CDK6: variants seen among roughly 807,000 people sequenced by gnomAD.
The protein encoded by CDK6 is cyclin dependent kinase 6, also known as cyclin-dependent kinase 6.
A neutral mutation model predicts 37.1 loss-of-function variants in CDK6; 6 were observed. That is an observed-to-expected ratio of 0.16 (90% CI 0.09 to 0.32). The LOEUF is 0.32. Ranked by LOEUF, CDK6 falls within the 10% of genes least tolerant of loss-of-function variation. CDK6 has a pLI of 1.00. For missense variants in CDK6, 224 were observed against 418.9 expected (o/e 0.53, Z 4.06); for synonymous variants, 160 against 161.3 (o/e 0.99, Z 0.06).
intron 3 of CDK6, among the ~76,000 whole-genome samples, chr7:92,751,119 T>C (rs1349624927): frequency 6.6e-6 from 1 of 152,156 alleles, no homozygotes; most frequent in East Asian, 1.9e-4. Flanking sequence ...GCTTTCTGAA[T>C]TGCCAAGAGG....
In CDK6 at chr7:92,613,441, C is replaced by T. The variant is rs148960964; in HGVS notation, c.*1699G>A. 372 of 233,732 alleles carry T rather than the reference C, an allele frequency of 1.6e-3. 2 individuals carry two copies. Among genetic ancestry groups the T allele is most frequent in the African/African-American group, 7.3e-3 (333 of 45,484 alleles). The allele number at this position is 233,732 out of a possible 1,614,324, so 14.5% of individuals were successfully genotyped here. On this transcript the variant is annotated 3_prime_UTR_variant, in exon 8 of 8. Transcript: ENST00000424848. Reference sequence around the variant, plus strand: ...GGCTAAACTTTCCAAAAGATACTTTCTGTGTCCTCTGGTTACTAGAGCCAA... The same window carrying T: ...GGCTAAACTTTCCAAAAGATACTTTTTGTGTCCTCTGGTTACTAGAGCCAA...
chr7:92,726,695 G>A (rs1183889784), intron 3 of CDK6, among the ~76,000 whole-genome samples: 1 of 152,228 alleles, frequency 6.6e-6, no homozygotes, highest in African/African-American at 2.4e-5. Flanking sequence ...ACAGGTGTGA[G>A]CCACCATGCC....
intron 2 of CDK6, among the ~76,000 whole-genome samples, chr7:92,806,707 C>T (rs1230513332): frequency 6.6e-6 from 1 of 152,090 alleles, no homozygotes; most frequent in Non-Finnish European, 1.5e-5. Flanking sequence ...TTGCAACATG[C>T]GGAACAGACC....
chr7:92,736,527 T>G (rs889099459), intron 3 of CDK6, among the ~76,000 whole-genome samples: 4 of 152,256 alleles, frequency 2.6e-5, no homozygotes, highest in Non-Finnish European at 4.4e-5. Context: ...GGAGGAAGGC[T>G]GGTATTAGTT....
At chr7:92,747,555 C>A (rs1401222738) in intron 3 of CDK6, among the ~76,000 whole-genome samples, 1 of 152,214 alleles carries the variant, frequency 6.6e-6, no homozygotes, top group East Asian at 1.9e-4. Context: ...AAATCTTGAG[C>A]AAGACTTCAA....
intron 4 of CDK6, among the ~76,000 whole-genome samples, chr7:92,686,320 T>C (rs1467517072): frequency 6.6e-6 from 1 of 152,086 alleles, no homozygotes; most frequent in African/African-American, 2.4e-5. Context: ...GTCCACTGTA[T>C]CATTCTTATG....
At chr7:92,832,284 T>A (rs1212305921) in intron 2 of CDK6, among the ~76,000 whole-genome samples, 1 of 152,010 alleles carries the variant, frequency 6.6e-6, no homozygotes, top group Non-Finnish European at 1.5e-5. Context: ...CAGGAGAGAG[T>A]AAGAACTGCT....
At chr7:92,825,776 C>T (rs1462014398) in intron 2 of CDK6, among the ~76,000 whole-genome samples, 3 of 152,046 alleles carry the variant, frequency 2.0e-5, no homozygotes, top group African/African-American at 7.2e-5. Context: ...ATTTATAATA[C>T]CTTACTTTCT....
At chr7:92,823,379 T>C (rs1279666211) in intron 2 of CDK6, among the ~76,000 whole-genome samples, 1 of 146,540 alleles carries the variant, frequency 6.8e-6, no homozygotes, top group East Asian at 2.0e-4. Context: ...TTAAGTTTCA[T>C]GGGCTTAAAA....
chr7:92,803,045 A>G (rs1800623828), intron 2 of CDK6, among the ~76,000 whole-genome samples: 1 of 152,236 alleles, frequency 6.6e-6, no homozygotes, highest in South Asian at 2.1e-4. Flanking sequence ...TACACCCAAT[A>G]TTAAGATGAC....
chr7:92,766,182 G>T (rs1399637558), intron 3 of CDK6, among the ~76,000 whole-genome samples: 1 of 152,166 alleles, frequency 6.6e-6, no homozygotes, highest in African/African-American at 2.4e-5. Flanking sequence ...AGGTCCCTCT[G>T]GTTGTTATAC....
intron 2 of CDK6, among the ~76,000 whole-genome samples, chr7:92,816,021 G>A (rs1801021314): frequency 6.6e-6 from 1 of 152,058 alleles, no homozygotes; most frequent in African/African-American, 2.4e-5. Context: ...AACAACAAAA[G>A]AGACAAACTA....
rs578237648 is a variant in CDK6 at position 92,618,173 on chromosome 7, T to C, written c.733A>G (p.Arg245Gly). ...GCCTGCCTGGGAAGGGCAACATCTC[T>C]AGGCCAGTCTTCTTCTCCTGGGAGT... ...IGLPGEEDWP[R>G]DVALPRQAFH... Residue 245 changes from arginine (R) to glycine (G), a missense_variant, in exon 7 of 8, where the codon AGA becomes GGA. Around this residue, in one of 5 missense-constraint regions of CDK6, gnomAD observed 90 missense variants for 136.2 expected, o/e 0.66. Coordinates refer to ENST00000424848, the MANE Select transcript of CDK6 (RefSeq NM_001145306.2). The C allele has an allele frequency of 6.2e-7, 1 of 1,614,094 alleles. No individual in the cohort carries two copies. The highest frequency in any genetic ancestry group is 2.2e-5 in the East Asian group (1 of 44,886).
intron 3 of CDK6, among the ~76,000 whole-genome samples, chr7:92,752,217 T>C (rs1410864621): frequency 1.3e-5 from 2 of 152,150 alleles, no homozygotes; most frequent in Non-Finnish European, 2.9e-5. Context: ...AGTTTAATCT[T>C]TAAAAAAAAG....
At chr7:92,818,060 G>C (rs1801073645) in intron 2 of CDK6, among the ~76,000 whole-genome samples, 1 of 151,928 alleles carries the variant, frequency 6.6e-6, no homozygotes, top group African/African-American at 2.4e-5. Context: ...AATTAATAGA[G>C]ATTAAATGCT....
chr7:92,704,271 C>A (rs1797920936), intron 4 of CDK6, among the ~76,000 whole-genome samples: 1 of 152,128 alleles, frequency 6.6e-6, no homozygotes, highest in Non-Finnish European at 1.5e-5. Flanking sequence ...ACACTCTCAG[C>A]TCAGTGACTG....
At chr7:92,828,629 G>A (rs869199730) in intron 2 of CDK6, among the ~76,000 whole-genome samples, 1 of 152,116 alleles carries the variant, frequency 6.6e-6, no homozygotes, top group East Asian at 1.9e-4. Flanking sequence ...TATTTGCATA[G>A]ATATTCATTT....
chr7:92,696,978 C>T (rs1396869545), intron 4 of CDK6, among the ~76,000 whole-genome samples: 1 of 152,220 alleles, frequency 6.6e-6, no homozygotes, highest in Non-Finnish European at 1.5e-5. Context: ...TTTCTCTTCA[C>T]ATTTGGAGAT....
chr7:92,691,025 C>T (rs1187314472), intron 4 of CDK6, among the ~76,000 whole-genome samples: 2 of 152,106 alleles, frequency 1.3e-5, no homozygotes, highest in Non-Finnish European at 2.9e-5. Flanking sequence ...ATCTTATTTA[C>T]TTTCAATTAC....
Sources: gnomAD v4.1 joint callset for allele counts (sites outside exome capture counted in the v4.1 genomes callset) on GRCh38, gnomAD v4.1.1 for gene constraint, gnomAD v4.1.1 regional missense constraint, MANE v1.5 for transcripts, NCBI Gene and HGNC (gene_info 2026-07-23, HGNC 2026-07-21) for gene names.